The following NBPF14 variants were observed in gnomAD, a reference collection of about 807,000 sequenced individuals.
NBPF14 encodes NBPF member 14.
Under a neutral mutation model 91.2 loss-of-function variants are expected in NBPF14, and 104 were observed. That is an observed-to-expected ratio of 1.14 (90% CI 0.97 to 1.34). The LOEUF (loss-of-function observed/expected upper bound fraction) is 1.34. NBPF14 is among the 40% of genes most tolerant of loss of function. The pLI, the probability that NBPF14 is intolerant of heterozygous loss-of-function variation, is 0.00. For synonymous variants in NBPF14, 294 were observed against 303.8 expected (o/e 0.97, Z 0.34); for missense variants, 908 against 783.0 (o/e 1.16, Z -1.91).
At chr1:148,592,071 TG>T (rs1247472549) in intron 4 of NBPF14, among the ~76,000 whole-genome samples, 1 of 130,274 alleles carries the variant, frequency 7.7e-6, no homozygotes, top group Non-Finnish European at 1.7e-5. Context: ...CATCTCATTT[TG>T]AAAAGCATTC....
In NBPF14 at chr1:148,587,295, C is replaced by T. The variant is rs1476844300; in HGVS notation, c.1091+6G>A. ...CCCCCTGCCTGCCCCCATGGGGTCCCCTCACCTGAGCTCCTCAGCTTGCTT... is the reference window on the plus strand; with the variant it reads ...CCCCCTGCCTGCCCCCATGGGGTCCTCTCACCTGAGCTCCTCAGCTTGCTT... On this transcript the variant is annotated splice_donor_region_variant and intron_variant, in intron 8 of 70. Transcript: ENST00000619423. The T allele has an allele frequency of 6.3e-7, 1 of 1,578,704 alleles. No homozygotes were observed. Among genetic ancestry groups the T allele is most frequent in the South Asian group, 1.1e-5 (1 of 89,248 alleles).
chr1:148,593,138 A>C (rs1662768225), intron 3 of NBPF14, among the ~76,000 whole-genome samples: 1 of 148,064 alleles, frequency 6.8e-6, no homozygotes, highest in Admixed American at 6.7e-5. Flanking sequence ...AGCCACGTAC[A>C]GAAATGAGGC....
rs1275659178 is a variant in NBPF14, at chr1:148,534,917, G to C, written c.8442-61C>G. 204 of 729,044 alleles carry C rather than the reference G, an allele frequency of 2.8e-4. 9 individuals carry two copies. The highest frequency in any genetic ancestry group is 7.3e-4 in the Middle Eastern group (2 of 2,756). The allele number at this position is 729,044 out of a possible 1,614,324, so 45.2% of individuals were successfully genotyped here. ...GGGAATCAGAAACCACACAGCCCCA[G>C]CTAGATTTCATGGCTAACATAAGGA... On this transcript the variant is annotated intron_variant, in intron 68 of 70. Coordinates refer to ENST00000619423, the Ensembl canonical transcript of NBPF14.
At position 148,559,955 on chromosome 1, in the gene NBPF14, C is replaced by A. The variant is rs1487546806; in HGVS notation, c.4567G>T (p.Glu1523Ter). 6 of 1,363,876 alleles carry A rather than the reference C, an allele frequency of 4.4e-6. No individual in the cohort carries two copies. Among genetic ancestry groups the A allele is most frequent in the East Asian group, 2.5e-5 (1 of 39,938 alleles). The allele number at this position is 1,363,876 out of a possible 1,614,324, so 84.5% of individuals were successfully genotyped here. Residue 1523 changes from glutamate (E) to a stop codon, truncating the protein, a stop_gained, in exon 37 of 71, where the codon GAG becomes TAG. Transcript: ENST00000619423. LOFTEE classifies it high-confidence loss of function. ...TCAGGCCCTTTCTCATGCAGCAGCT[C>A]CCTGCTGAGCCTGGAAAAGTGGAAA...
intron 40 of NBPF14, among the ~76,000 whole-genome samples, chr1:148,557,157 C>G (rs1381203266): frequency 8.9e-6 from 1 of 112,966 alleles, no homozygotes; most frequent in Non-Finnish European, 1.7e-5. Flanking sequence ...ACAGGACACT[C>G]TGAGTTAGTG....
chr1:148,535,517 C>A lies in NBPF14; in HGVS notation c.8390-13G>T, dbSNP rs1366385215. On this transcript the variant is annotated splice_polypyrimidine_tract_variant and intron_variant, in intron 67 of 70. Transcript: ENST00000619423. Reference sequence around the variant, plus strand: ...TACTTTTCAATTTCTGCAATAAGTTCAGACATGGACAGACATATTAAGCTG... The same window carrying A: ...TACTTTTCAATTTCTGCAATAAGTTAAGACATGGACAGACATATTAAGCTG... 5.2e-6 allele frequency: 2 copies of A among 387,166 alleles called. No individual in the cohort carries two copies. The highest frequency in any genetic ancestry group is 8.7e-6 in the Non-Finnish European group (2 of 230,078). The allele number at this position is 387,166 out of a possible 1,614,324, so 24.0% of individuals were successfully genotyped here. A position where few individuals can be genotyped will look rare whatever the true frequency, so the allele number is the denominator to read the frequency against.
chr1:148,532,079 CT>C (rs1305095153), exon 71 of NBPF14: 1 of 152,162 alleles, frequency 6.6e-6, no homozygotes, highest in African/African-American at 2.4e-5. Flanking sequence ...TTCAAAATAA[CT>C]AAAGAAATGC....
exon 28 of NBPF14, chr1:148,566,981 CTCT>C (rs1658575175): frequency 3.7e-6 from 1 of 271,638 alleles, no homozygotes; most frequent in Non-Finnish European, 6.3e-6. Context: ...GGTCTTCTTC[CTCT>C]TCTTCGTCCT....
At chr1:148,581,688 AG>A (rs1301878696) in intron 12 of NBPF14, among the ~76,000 whole-genome samples, 2 of 149,738 alleles carry the variant, frequency 1.3e-5, no homozygotes, top group Non-Finnish European at 3.0e-5. Flanking sequence ...AAACATGGAA[AG>A]GAACAACCGG....
intron 6 of NBPF14, among the ~76,000 whole-genome samples, chr1:148,590,026 T>G (rs1553796170): frequency 6.9e-4 from 90 of 130,514 alleles, no homozygotes; most frequent in East Asian, 8.7e-4. Context: ...CCAGCGCCCC[T>G]GGTCAGAGAC....
chr1:148,580,953 C>T (rs1439629270), intron 12 of NBPF14, among the ~76,000 whole-genome samples: 5 of 98,324 alleles, frequency 5.1e-5, no homozygotes, highest in African/African-American at 2.1e-4. Flanking sequence ...GTGTGCTTCA[C>T]CCATTAACTC....
At chr1:148,566,381 G>T (rs1289959402) in intron 28 of NBPF14, 66 bp from the exon 29 acceptor site, 1 of 733,630 alleles carries the variant, frequency 1.4e-6, no homozygotes, top group South Asian at 1.4e-5. Flanking sequence ...CCTCAACTAG[G>T]TTTCATGGGT....
At chr1:148,534,169 G>A (rs1323940659) in intron 69 of NBPF14, among the ~76,000 whole-genome samples, 200 bp from the exon 70 acceptor site, 4 of 148,770 alleles carry the variant, frequency 2.7e-5, no homozygotes, top group Admixed American at 6.9e-5. Context: ...TGGGTAAAAT[G>A]TCCCTATTCT....
chr1:148,572,477 C>T lies in NBPF14; in HGVS notation c.2724G>A (p.Glu908=), dbSNP rs1278727359. 26 of 554,642 alleles carry T rather than the reference C, an allele frequency of 4.7e-5. 3 individuals carry two copies. Among genetic ancestry groups the T allele is most frequent in the Admixed American group, 4.6e-4 (17 of 36,962 alleles). 34.4% of individuals were successfully genotyped at this position (554,642 alleles called of 1,614,324 possible). A position where few individuals can be genotyped will look rare whatever the true frequency, so the allele number is the denominator to read the frequency against. Reference sequence around the variant, plus strand: ...CAAGAGCCAAGCCAAGGTACTGTTCCTCCAATGAGTAAACAGCACTGCTGT... The same window carrying T: ...CAAGAGCCAAGCCAAGGTACTGTTCTTCCAATGAGTAAACAGCACTGCTGT... Residue 908 remains glutamate (E), a synonymous_variant, in exon 21 of 71, where the codon GAG becomes GAA. Coordinates refer to ENST00000619423, the Ensembl canonical transcript of NBPF14.
intron 40 of NBPF14, among the ~76,000 whole-genome samples, chr1:148,557,081 CACACACAGAG>C (rs1656703217): frequency 8.0e-6 from 1 of 125,230 alleles, no homozygotes; most frequent in African/African-American, 4.1e-5. Flanking sequence ...CACACACACA[CACACACAGAG>C]AGAGAGAGAG....
rs1403179773 is a variant in NBPF14, at chr1:148,560,119, G to A, written c.4557-154C>T. Reference sequence around the variant, plus strand: ...AAATTATTGCCTTTATGTTGGGATAGAACAGGGCCAGGTAGAAAACAATGA... The same window carrying A: ...AAATTATTGCCTTTATGTTGGGATAAAACAGGGCCAGGTAGAAAACAATGA... On this transcript the variant is annotated intron_variant, in intron 36 of 70. Coordinates refer to ENST00000619423, the Ensembl canonical transcript of NBPF14. Among the ~76,000 whole-genome samples, 5 of 150,694 alleles carry A rather than the reference G, an allele frequency of 3.3e-5. 1 individual carries two copies. Among genetic ancestry groups the A allele is most frequent in the African/African-American group, 9.9e-5 (4 of 40,254 alleles).
In NBPF14 at chr1:148,587,389, T is replaced by C. The variant is rs1440880704; in HGVS notation, c.1003A>G (p.Lys335Glu). The C allele has an allele frequency of 7.0e-6, 11 of 1,579,996 alleles. 2 individuals are homozygous for C. The highest frequency in any genetic ancestry group is 2.2e-5 in the South Asian group (2 of 89,236). Residue 335 changes from lysine to glutamate, a missense_variant, in exon 8 of 71, where the codon AAA (lysine) becomes GAA (glutamate). Around this residue, in one of 13 missense-constraint regions of NBPF14, gnomAD observed 39 missense variants for 35.8 expected, o/e 1.09. Transcript: ENST00000619423. ...CTCAGCATAAATTTTATGAGGTCTT[T>C]GCACTCTTCATATTCTGAGAAAAGA...
In NBPF14 at chr1:148,566,522, CACACACACACACACACACAA is replaced by C. The variant is rs2149515816; in HGVS notation, c.3543-227_3543-208del. Among the ~76,000 whole-genome samples the C allele has an allele frequency of 3.9e-5, 5 of 126,910 alleles. 1 individual carries two copies. In the South Asian group the frequency reaches 1.2e-3, roughly 31 times the overall value. 83.3% of individuals were successfully genotyped at this position (126,910 alleles called of 152,430 possible). A position where few individuals can be genotyped will look rare whatever the true frequency, so the allele number is the denominator to read the frequency against. ...AGAGAAAGACAGACACACACACACA[CACACACACACACACACACAA>C]ACACACACACACACACAGAGAACGA... On this transcript the variant is annotated intron_variant, in intron 28 of 70. Transcript: ENST00000619423.
chr1:148,559,384 G>A (rs1245622756), intron 37 of NBPF14, among the ~76,000 whole-genome samples: 3 of 133,498 alleles, frequency 2.2e-5, no homozygotes, highest in South Asian at 2.5e-4. Flanking sequence ...ATGGTTGCTA[G>A]GAGAAAAACT....
Sources: gnomAD v4.1 joint callset for allele counts (sites outside exome capture counted in the v4.1 genomes callset) on GRCh38, gnomAD v4.1.1 for gene constraint, gnomAD v4.1.1 regional missense constraint, MANE v1.5 for transcripts, NCBI Gene and HGNC (gene_info 2026-07-23, HGNC 2026-07-21) for gene names.